The following TXNDC16 variants were observed in gnomAD, a reference collection of about 807,000 sequenced individuals.
The protein encoded by TXNDC16 is thioredoxin domain-containing protein 16.
A neutral mutation model predicts 85.6 loss-of-function variants in TXNDC16; 74 were observed. That is an observed-to-expected ratio of 0.86 (90% CI 0.72 to 1.05). The LOEUF is 1.05. Among genes scored for constraint, TXNDC16 ranks in the 50% least tolerant of loss-of-function variants. The probability of loss-of-function intolerance (pLI) is 0.00; values close to 1 mark genes in which losing one functional copy is unlikely to be tolerated. For synonymous variants in TXNDC16, 335 were observed against 326.5 expected, an observed-to-expected ratio of 1.03 and a Z score of -0.28; for missense variants, 959 against 947.0, an observed-to-expected ratio of 1.01 and a Z score of -0.17.
chr14:52,496,879 G>A lies in TXNDC16; in HGVS notation c.757-5874C>T, dbSNP rs140576413. ...ACCCAACTCAGCCTCCCAAAGTGCC[G>A]GGATTATAGGCGGGAACCACTGCAC... On this transcript the variant is annotated intron_variant, in intron 9 of 20. Transcript: ENST00000281741. Among the ~76,000 whole-genome samples the A allele has an allele frequency of 4.8e-3, 733 of 152,134 alleles. 14 individuals carry two copies. Among genetic ancestry groups the A allele is most frequent in the Admixed American group, 0.039 (601 of 15,268 alleles).
chr14:52,513,083 G>A (rs1384163979), intron 8 of TXNDC16, among the ~76,000 whole-genome samples: 1 of 152,104 alleles, frequency 6.6e-6, no homozygotes, highest in South Asian at 2.1e-4. Flanking sequence ...AGATTCTTTA[G>A]GAAGGGAATA....
chr14:52,498,389 T>C (rs886441921), intron 9 of TXNDC16, among the ~76,000 whole-genome samples: 2 of 148,374 alleles, frequency 1.3e-5, no homozygotes, highest in Non-Finnish European at 3.0e-5. Flanking sequence ...ATCTTATATG[T>C]GCAAAACCCT....
chr14:52,469,988 A>C (rs1188886831), intron 16 of TXNDC16, 49 bp downstream of exon 16: 1 of 1,455,134 alleles, frequency 6.9e-7, no homozygotes, highest in Non-Finnish European at 9.1e-7. Context: ...TAAAACTAGC[A>C]AGCAATGATA....
chr14:52,439,482 G>GT, intron 19 of TXNDC16, 88 bp from the exon 20 acceptor site: 7 of 1,165,382 alleles, frequency 6.0e-6, no homozygotes, highest in Non-Finnish European at 8.3e-6. Flanking sequence ...AAACTTTTAA[G>GT]TAGTATCATG....
At chr14:52,485,102 C>G (rs1261561414) in intron 12 of TXNDC16, among the ~76,000 whole-genome samples, 4 of 152,134 alleles carry the variant, frequency 2.6e-5, no homozygotes, top group South Asian at 2.1e-4. Context: ...AATGACAGCT[C>G]CATGCTTGTT....
intron 6 of TXNDC16, among the ~76,000 whole-genome samples, chr14:52,530,341 T>TATTA (rs2037493553): frequency 2.2e-5 from 1 of 45,754 alleles, no homozygotes; most frequent in Non-Finnish European, 3.4e-5. Context: ...TTATATATAA[T>TATTA]TATATATTAT....
intron 16 of TXNDC16, among the ~76,000 whole-genome samples, chr14:52,460,408 A>G (rs1025234267): frequency 1.3e-5 from 2 of 152,234 alleles, no homozygotes; most frequent in Non-Finnish European, 2.9e-5. Context: ...TATTTTTCAC[A>G]GAACTAGAAA....
chr14:52,526,532 G>A (rs2037339366), intron 6 of TXNDC16, among the ~76,000 whole-genome samples: 1 of 152,174 alleles, frequency 6.6e-6, no homozygotes, highest in Admixed American at 6.6e-5. Context: ...ATAGAAAAAT[G>A]GAGAAGTCCC....
intron 16 of TXNDC16, among the ~76,000 whole-genome samples, chr14:52,460,282 A>C (rs1052382527): frequency 2.0e-5 from 3 of 152,194 alleles, no homozygotes; most frequent in Non-Finnish European, 2.9e-5. Context: ...GAGAAAACAC[A>C]AACAAATAGA....
chr14:52,433,881 G>A (rs977451751), intron 20 of TXNDC16, among the ~76,000 whole-genome samples: 1 of 152,130 alleles, frequency 6.6e-6, no homozygotes, highest in Non-Finnish European at 1.5e-5. Flanking sequence ...TAAAGTATCT[G>A]TAAGAGTCCA....
chr14:52,447,886 G>C (rs1268982822), intron 18 of TXNDC16, among the ~76,000 whole-genome samples: 1 of 151,832 alleles, frequency 6.6e-6, no homozygotes, highest in Admixed American at 6.6e-5. Context: ...GCTCAAAAAT[G>C]CAACTAAACT....
chr14:52,437,081 G>C (rs777572571), intron 20 of TXNDC16, among the ~76,000 whole-genome samples: 9 of 151,680 alleles, frequency 5.9e-5, no homozygotes, highest in Non-Finnish European at 8.8e-5. Flanking sequence ...ATGTATAAAT[G>C]GTTAAGACTC....
chr14:52,446,859 T>C (rs917632145), intron 18 of TXNDC16, among the ~76,000 whole-genome samples: 1 of 152,040 alleles, frequency 6.6e-6, no homozygotes, highest in Non-Finnish European at 1.5e-5. Context: ...GGGAAAGACC[T>C]AGTCCTGGCA....
At chr14:52,548,725 A>T (rs1349997060) in intron 1 of TXNDC16, among the ~76,000 whole-genome samples, 1 of 152,006 alleles carries the variant, frequency 6.6e-6, no homozygotes, top group Non-Finnish European at 1.5e-5. Flanking sequence ...TACCAAAAAT[A>T]CAAAAAATTA....
chr14:52,484,873 C>T (rs1457984539), intron 12 of TXNDC16, among the ~76,000 whole-genome samples: 1 of 151,730 alleles, frequency 6.6e-6, no homozygotes, highest in Non-Finnish European at 1.5e-5. Flanking sequence ...AAAAGTGAAA[C>T]TCTGTCTCAA....
At chr14:52,476,757 G>A (rs1187398295) in intron 14 of TXNDC16, among the ~76,000 whole-genome samples, 2 of 152,096 alleles carry the variant, frequency 1.3e-5, no homozygotes, top group Non-Finnish European at 2.9e-5. Context: ...ATATTTGGGG[G>A]AATAACCAAG....
At chr14:52,480,240 G>T (rs965210495) in intron 14 of TXNDC16, among the ~76,000 whole-genome samples, 1 of 151,610 alleles carries the variant, frequency 6.6e-6, no homozygotes. Context: ...TTGGAAAAAC[G>T]CTTCTAGACA....
chr14:52,536,858 T>G (rs1009669332), intron 5 of TXNDC16, 65 bp from the exon 6 acceptor site: 2 of 1,348,504 alleles, frequency 1.5e-6, no homozygotes, highest in Non-Finnish European at 2.1e-6. Flanking sequence ...AGAATTCAAT[T>G]TACTTGTCTA....
At chr14:52,527,851 T>C (rs1201204492) in intron 6 of TXNDC16, among the ~76,000 whole-genome samples, 1 of 152,078 alleles carries the variant, frequency 6.6e-6, no homozygotes, top group Admixed American at 6.6e-5. Context: ...CCCTCTCCTA[T>C]GTAAATAGTA....
Sources: allele counts gnomAD v4.1 joint callset (sites outside exome capture counted in the v4.1 genomes callset), GRCh38; gene constraint gnomAD v4.1.1; transcripts MANE v1.5; gene names NCBI Gene and HGNC (gene_info 2026-07-23, HGNC 2026-07-21).